Variants in RNF144B observed in about 807,000 individuals in gnomAD.
RNF144B encodes the protein ring finger protein 144B.
In RNF144B, 25 loss-of-function variants were observed where a neutral mutation model predicts 40.2. That is an observed-to-expected ratio of 0.62 (90% CI 0.45 to 0.87). The LOEUF (loss-of-function observed/expected upper bound fraction) is 0.87, where lower values mean the gene tolerates loss of function less well. Ranked by LOEUF, RNF144B falls within the 40% of genes least tolerant of loss-of-function variation. RNF144B has a pLI of 0.00. For missense variants in RNF144B, 365 were observed against 373.7 expected (o/e 0.98, Z 0.19); for synonymous variants, 145 against 136.3 (o/e 1.06, Z -0.44).
At position 18,412,091 on chromosome 6, in the gene RNF144B, T is replaced by A. The variant is rs1795058126; in HGVS notation, c.165+12392T>A. On this transcript the variant is annotated intron_variant, in intron 2 of 7. Coordinates refer to ENST00000259939, the MANE Select transcript of RNF144B (RefSeq NM_182757.4). This position sits in a 1 kb window ranked among gnomAD's most constrained non-coding sequence, Gnocchi z 4.2. Reference sequence around the variant, plus strand: ...TTTTTTACTTATATAAATGTGAAAATACCTGTCCTTAGGATAACTTTTTAG... The same window carrying A: ...TTTTTTACTTATATAAATGTGAAAAAACCTGTCCTTAGGATAACTTTTTAG... 6.6e-6 allele frequency among the ~76,000 whole-genome samples: 1 copy of A among 152,180 alleles called. No individual in the cohort carries two copies. Among genetic ancestry groups the A allele is most frequent in the Admixed American group, 6.5e-5 (1 of 15,276 alleles).
intron 1 of RNF144B, among the ~76,000 whole-genome samples, chr6:18,390,995 T>A (rs948056676): frequency 6.6e-6 from 1 of 152,252 alleles, no homozygotes; most frequent in African/African-American, 2.4e-5. Context: ...TCTTCCAAAC[T>A]GGTTTCCAAT....
intron 2 of RNF144B, among the ~76,000 whole-genome samples, chr6:18,411,605 G>A (rs1285890260): frequency 7.0e-6 from 1 of 143,006 alleles, no homozygotes; most frequent in Non-Finnish European, 1.5e-5. Context: ...CTGGGTTCAA[G>A]TGATTCTTCT....
At chr6:18,392,594 T>G (rs1374499833) in intron 1 of RNF144B, among the ~76,000 whole-genome samples, 1 of 152,120 alleles carries the variant, frequency 6.6e-6, no homozygotes, top group Non-Finnish European at 1.5e-5. Context: ...AATGACGATG[T>G]TAAAACTAAG....
rs1362333930 is a variant in RNF144B at position 18,405,174 on chromosome 6, A to ATTATTATTATTATTATTATTG, written c.165+5477_165+5478insATTATTATTATTATTATTGTT. Among the ~76,000 whole-genome samples, 181 of 142,608 alleles carry ATTATTATTATTATTATTATTG rather than the reference A, an allele frequency of 1.3e-3. No individual in the cohort carries two copies. The highest frequency in any genetic ancestry group is 4.3e-3 in the African/African-American group (170 of 39,190). The allele number at this position is 142,608 out of a possible 152,430, so 93.6% of individuals were successfully genotyped here. A position where few individuals can be genotyped will look rare whatever the true frequency, so the allele number is the denominator to read the frequency against. ...CTTTATTATTATTATTATTATTATT[A>ATTATTATTATTATTATTATTG]TTGTTATTATTATTTTTGAGATGGA... On this transcript the variant is annotated intron_variant, in intron 2 of 7. Transcript: ENST00000259939. This position sits in a 1 kb window ranked among gnomAD's most constrained non-coding sequence, Gnocchi z 4.5.
Position 18,419,713 on chromosome 6 carries a change from G to C in RNF144B, c.166-7868G>C, listed in dbSNP as rs12200630. Reference sequence around the variant, plus strand: ...TTGAGTGGCAGGGAGGAGTTGGGATGGGATTGGTGAAGGAGTGAGGGAAGA... The same window carrying C: ...TTGAGTGGCAGGGAGGAGTTGGGATCGGATTGGTGAAGGAGTGAGGGAAGA... On this transcript the variant is annotated intron_variant, in intron 2 of 7. Coordinates refer to ENST00000259939, the MANE Select transcript of RNF144B (RefSeq NM_182757.4). This position sits in a 1 kb window ranked among gnomAD's most constrained non-coding sequence, Gnocchi z 4.6. Among the ~76,000 whole-genome samples, 29,841 of 152,002 alleles carry C rather than the reference G, an allele frequency of 0.2. 3,479 individuals are homozygous for C. The highest frequency in any genetic ancestry group is 0.44 in the East Asian group (2,273 of 5,150).
In RNF144B at chr6:18,456,037, C is replaced by T. The variant is rs1759317833; in HGVS notation, c.332-1118C>T. On this transcript the variant is annotated intron_variant, in intron 4 of 7. Coordinates refer to ENST00000259939, the MANE Select transcript of RNF144B (RefSeq NM_182757.4). The surrounding 1 kb of genome is among the most constrained non-coding windows in gnomAD (Gnocchi z 4.7). ...TCCCGGGTTCACGCCATTCTCCTGC[C>T]TCAGCCTGCCAAGTAGCTGGGACTA... 1.3e-5 allele frequency among the ~76,000 whole-genome samples: 2 copies of T among 152,254 alleles called. No individual in the cohort carries two copies. Among genetic ancestry groups the T allele is most frequent in the Admixed American group, 1.3e-4 (2 of 15,290 alleles).
chr6:18,453,449 TG>T (rs1044340142), intron 4 of RNF144B, among the ~76,000 whole-genome samples: 1 of 152,104 alleles, frequency 6.6e-6, no homozygotes, highest in African/African-American at 2.4e-5. Flanking sequence ...GCTTTTTTTT[TG>T]TTTGTTTTTT....
Position 18,450,685 on chromosome 6 carries a change from A to C in RNF144B, c.332-6470A>C, listed in dbSNP as rs552288160. Among the ~76,000 whole-genome samples, 28 of 152,318 alleles carry C rather than the reference A, an allele frequency of 1.8e-4. No individual in the cohort carries two copies. Among genetic ancestry groups the C allele is most frequent in the African/African-American group, 6.3e-4 (26 of 41,566 alleles). ...TGTCACTGAACTTGGAGTTGGAAAG[A>C]GACACAATTGGTTCTCATGAGCTGG... is the stretch of plus-strand genomic sequence containing the variant. On this transcript the variant is annotated intron_variant, in intron 4 of 7. Transcript: ENST00000259939. The surrounding 1 kb of genome is among the most constrained non-coding windows in gnomAD (Gnocchi z 4.7).
At chr6:18,391,122 C>T (rs1054581876) in intron 1 of RNF144B, among the ~76,000 whole-genome samples, 1 of 152,280 alleles carries the variant, frequency 6.6e-6, no homozygotes, top group East Asian at 1.9e-4. Context: ...CGTGCTTTAG[C>T]GGCTCTGGTT....
intron 4 of RNF144B, among the ~76,000 whole-genome samples, chr6:18,454,606 C>T (rs575168277): frequency 1.3e-5 from 2 of 152,320 alleles, no homozygotes; most frequent in East Asian, 1.9e-4. Context: ...GTGAAAAATA[C>T]GGAAGTTCAG....
At chr6:18,437,835 C>T (rs12201785) in intron 3 of RNF144B, among the ~76,000 whole-genome samples, 18,932 of 152,050 alleles carry the variant, frequency 0.12, 1,326 homozygotes, top group Admixed American at 0.19. Flanking sequence ...AAACATCTTC[C>T]GTTTGCCTTG....
At position 18,387,459 on chromosome 6, in the gene RNF144B, G is replaced by A; in HGVS notation, c.-208G>A. 3 of 1,245,616 alleles carry A rather than the reference G, an allele frequency of 2.4e-6. No homozygotes were observed. The highest frequency in any genetic ancestry group is 1.3e-4 in the East Asian group (2 of 14,972). The allele number at this position is 1,245,616 out of a possible 1,614,324, so 77.2% of individuals were successfully genotyped here. A position where few individuals can be genotyped will look rare whatever the true frequency, so the allele number is the denominator to read the frequency against. ...CCTCCCGACCCGTAGGTCTGGGAGC[G>A]CAAGTCCTGTTGCAGTCTTGCAAAG... On this transcript the variant is annotated 5_prime_UTR_variant, in exon 1 of 8. Transcript: ENST00000259939.
chr6:18,459,588 T>C lies in RNF144B; in HGVS notation c.537-19T>C. ...ATGACCATCAGCTGAATGCCATTTC[T>C]CATCCATTTTGTTTCTAGAGCCCTC... On this transcript the variant is annotated intron_variant, in intron 5 of 7. Transcript: ENST00000259939. This position sits in a 1 kb window ranked among gnomAD's most constrained non-coding sequence, Gnocchi z 4.2. 3.1e-6 allele frequency: 5 copies of C among 1,610,776 alleles called. No homozygotes were observed. Among genetic ancestry groups the C allele is most frequent in the Non-Finnish European group, 4.2e-6 (5 of 1,177,714 alleles).
chr6:18,392,207 C>CA (rs954327655), intron 1 of RNF144B, among the ~76,000 whole-genome samples: 289 of 144,878 alleles, frequency 2.0e-3, no homozygotes, highest in African/African-American at 5.7e-3. Context: ...GACTCCGTCT[C>CA]AAAAAAAAAA....
chr6:18,394,385 G>A (rs1230847635), intron 1 of RNF144B, among the ~76,000 whole-genome samples: 1 of 152,118 alleles, frequency 6.6e-6, no homozygotes, highest in Non-Finnish European at 1.5e-5. Context: ...GGATCATGAG[G>A]TCAGGAGTTC....
chr6:18,413,120 T>C (rs1308459378), intron 2 of RNF144B, among the ~76,000 whole-genome samples: 1 of 152,222 alleles, frequency 6.6e-6, no homozygotes, highest in Non-Finnish European at 1.5e-5. Flanking sequence ...TGTTAATCCC[T>C]ACATCATAGT....
rs58124564 is a variant in RNF144B at position 18,406,457 on chromosome 6, AGTGTGTGTGTGTGTGTGTGT to A, written c.165+6783_165+6802del. On this transcript the variant is annotated intron_variant, in intron 2 of 7. Coordinates refer to ENST00000259939, the MANE Select transcript of RNF144B (RefSeq NM_182757.4). The surrounding 1 kb of genome is among the most constrained non-coding windows in gnomAD (Gnocchi z 4.2). ...CAAAGGAGGCTGGTGTGGCTGGAAA[AGTGTGTGTGTGTGTGTGTGT>A]GTGTGTGTGTGTGTGTGTGTGTGTA... Among the ~76,000 whole-genome samples the A allele has an allele frequency of 1.8e-3, 234 of 131,018 alleles. 2 individuals carry two copies. In the East Asian group the frequency reaches 0.032, roughly 18 times the overall value. The allele number at this position is 131,018 out of a possible 152,430, so 86.0% of individuals were successfully genotyped here.
chr6:18,421,273 T>TACACACACACAC (rs1170609706), intron 2 of RNF144B, among the ~76,000 whole-genome samples: 9 of 102,306 alleles, frequency 8.8e-5, no homozygotes, highest in African/African-American at 2.9e-4. Context: ...TTATATATTA[T>TACACACACACAC]ACACACACAC....
In RNF144B at chr6:18,464,905, T is replaced by C. The variant is rs1759544316; in HGVS notation, c.772-22T>C. 2 of 1,612,936 alleles carry C rather than the reference T, an allele frequency of 1.2e-6. No homozygotes were observed. Among genetic ancestry groups the C allele is most frequent in the African/African-American group, 1.3e-5 (1 of 74,920 alleles). ...ATTGAAAGACTTAATTGCTGAAATA[T>C]GCTTTTCTTTGAAATTTCCAGGTGG... On this transcript the variant is annotated intron_variant, in intron 7 of 7. Transcript: ENST00000259939. The surrounding 1 kb of genome is among the most constrained non-coding windows in gnomAD (Gnocchi z 6.1).
Sources: allele counts gnomAD v4.1 joint callset (sites outside exome capture counted in the v4.1 genomes callset), GRCh38; gene constraint gnomAD v4.1.1; non-coding constraint Gnocchi (gnomAD v3.1); transcripts MANE v1.5; gene names NCBI Gene and HGNC (gene_info 2026-07-23, HGNC 2026-07-21).